Variants in GCLC observed in about 807,000 individuals in gnomAD.
The protein encoded by GCLC is glutamate--cysteine ligase catalytic subunit.
Under a neutral mutation model 81.5 loss-of-function variants are expected in GCLC, and 30 were observed. The ratio of observed to expected loss-of-function variants is 0.37; its 90% CI spans 0.28 to 0.50. GCLC has a LOEUF of 0.50. Among genes scored for constraint, GCLC ranks in the 20% least tolerant of loss-of-function variants. GCLC has a pLI of 0.96. For missense variants in GCLC, 556 were observed against 777.4 expected (o/e 0.72, Z 3.39); for synonymous variants, 262 against 273.3 (o/e 0.96, Z 0.41).
Position 53,526,626 on chromosome 6 carries a change from A to G in GCLC, c.151-4099T>C, listed in dbSNP as rs575358333. 3.4e-4 allele frequency among the ~76,000 whole-genome samples: 51 copies of G among 151,958 alleles called. 3 individuals carry two copies. The East Asian group carries it at 5.8e-3, about 17-fold the overall frequency. Reference sequence around the variant, plus strand: ...ATCCTGGCTAACACGGTGAAGCCCCATCTCTACTAAAAATACAAAAAATTA... The same window carrying G: ...ATCCTGGCTAACACGGTGAAGCCCCGTCTCTACTAAAAATACAAAAAATTA... On this transcript the variant is annotated intron_variant, in intron 1 of 15. Coordinates refer to ENST00000650454, the MANE Select transcript of GCLC (RefSeq NM_001498.4).
At chr6:53,532,610 C>G (rs1460381946) in intron 1 of GCLC, among the ~76,000 whole-genome samples, 1 of 152,160 alleles carries the variant, frequency 6.6e-6, no homozygotes. Context: ...TGGTTCCCCT[C>G]CAGCAGTTAA....
intron 15 of GCLC, 76 bp downstream of exon 15, chr6:53,499,966 GACT>G (rs753219640): frequency 8.7e-6 from 9 of 1,037,896 alleles, no homozygotes; most frequent in East Asian, 2.4e-5. Flanking sequence ...TATTTTAAAA[GACT>G]ACTTTAAGAA....
intron 1 of GCLC, among the ~76,000 whole-genome samples, chr6:53,529,399 T>C (rs1305538200): frequency 6.6e-6 from 1 of 152,208 alleles, no homozygotes; most frequent in Non-Finnish European, 1.5e-5. Context: ...ATAAAGACCA[T>C]TAAGGCATTC....
At chr6:53,528,122 C>T (rs886188396) in intron 1 of GCLC, among the ~76,000 whole-genome samples, 3 of 152,256 alleles carry the variant, frequency 2.0e-5, no homozygotes, top group African/African-American at 7.2e-5. Flanking sequence ...AGGTGTTAGC[C>T]ATAGTGATGC....
At chr6:53,509,407 T>G (rs898415884) in intron 6 of GCLC, 157 bp from the exon 7 acceptor site, 14 of 669,404 alleles carry the variant, frequency 2.1e-5, no homozygotes, top group Non-Finnish European at 3.5e-5. Context: ...AAAAGTTGTC[T>G]TAGGTGAATT....
Position 53,498,573 on chromosome 6 carries a change from A to G in GCLC, c.*183T>C. 3.2e-6 allele frequency: 2 copies of G among 622,266 alleles called. No individual in the cohort carries two copies. Among genetic ancestry groups the G allele is most frequent in the Admixed American group, 2.7e-5 (1 of 36,950 alleles). The allele number at this position is 622,266 out of a possible 1,614,324, so 38.5% of individuals were successfully genotyped here. On this transcript the variant is annotated 3_prime_UTR_variant, in exon 16 of 16. Coordinates refer to ENST00000650454, the MANE Select transcript of GCLC (RefSeq NM_001498.4). ...GTTAATCAAAAATACTTTACTATGT[A>G]CATGTACACTGTATAAACTCTAGAT... is the stretch of plus-strand genomic sequence containing the variant.
rs146955698 is a variant in GCLC, at chr6:53,544,653, C to CGCTCCT, written c.-9_-8insAGGAGC. ...CTGGGACAGCAGCCCCATGGCCGCCCCCTCCTCCTCCTCCTCCTCCTCCGG... is the reference window on the plus strand; with the variant it reads ...CTGGGACAGCAGCCCCATGGCCGCCCGCTCCTCCTCCTCCTCCTCCTCCTCCTCCGG... On this transcript the variant is annotated 5_prime_UTR_variant, in exon 1 of 16. Transcript: ENST00000650454. The CGCTCCT allele has an allele frequency of 5.8e-6, 9 of 1,550,960 alleles. No individual in the cohort carries two copies. In the African/African-American group the frequency reaches 1.1e-4, roughly 19 times the overall value.
At chr6:53,540,793 G>C (rs1242110598) in intron 1 of GCLC, among the ~76,000 whole-genome samples, 1 of 151,980 alleles carries the variant, frequency 6.6e-6, no homozygotes, top group African/African-American at 2.4e-5. Context: ...TTACAAAAGG[G>C]TGATTAGATT....
chr6:53,544,538 G>C lies in GCLC; in HGVS notation c.108C>G (p.Ala36=). ...GILQFLHIYH[A]VKDRHKDVLK... ...GAACGTCCTTGTGCCGGTCCTTGAC[G>C]GCGTGGTAGATGTGCAGGAACTGGA... is the stretch of plus-strand genomic sequence containing the variant. The change falls in exon 1 of 16, where the codon GCC becomes GCG. Residue 36 remains alanine, a synonymous_variant. Transcript: ENST00000650454. 6.2e-7 allele frequency: 1 copy of C among 1,609,076 alleles called. No homozygotes were observed. Among genetic ancestry groups the C allele is most frequent in the Non-Finnish European group, 8.5e-7 (1 of 1,179,646 alleles).
intron 1 of GCLC, among the ~76,000 whole-genome samples, chr6:53,537,489 G>A (rs1296363668): frequency 1.3e-5 from 2 of 152,086 alleles, no homozygotes; most frequent in African/African-American, 4.8e-5. Context: ...GTGTCAATGC[G>A]TTTTTGAAGC....
rs527887796 is a variant in GCLC at position 53,544,652 on chromosome 6, C to T, written c.-7G>A. On this transcript the variant is annotated 5_prime_UTR_variant, in exon 1 of 16. Coordinates refer to ENST00000650454, the MANE Select transcript of GCLC (RefSeq NM_001498.4). ...CCTGGGACAGCAGCCCCATGGCCGC[C>T]CCCTCCTCCTCCTCCTCCTCCTCCG... 1.9e-6 allele frequency: 3 copies of T among 1,578,152 alleles called. No homozygotes were observed. Among genetic ancestry groups the T allele is most frequent in the East Asian group, 2.3e-5 (1 of 44,208 alleles).
Position 53,506,665 on chromosome 6 carries a change from AAAT to A in GCLC, c.1197+245_1197+247del, listed in dbSNP as rs201073994. On this transcript the variant is annotated intron_variant, in intron 10 of 15. Transcript: ENST00000650454. This position sits in a 1 kb window ranked among gnomAD's most constrained non-coding sequence, Gnocchi z 4.0. ...AGAAAATACTGAACAATAAAAAAAAAAATTAGAATCAGTGAGATAAACAGTAAG... is the reference window on the plus strand; with the variant it reads ...AGAAAATACTGAACAATAAAAAAAAATAGAATCAGTGAGATAAACAGTAAG... 1.5e-3 allele frequency: 703 copies of A among 454,096 alleles called. 1 individual carries two copies. The highest frequency in any genetic ancestry group is 0.012 in the African/African-American group (597 of 50,574). 28.1% of individuals were successfully genotyped at this position (454,096 alleles called of 1,614,324 possible).
In GCLC at chr6:53,505,848, AG is replaced by A; in HGVS notation, c.1244del (p.Pro415LeufsTer10). The A allele has an allele frequency of 6.2e-7, 1 of 1,612,284 alleles. No homozygotes were observed. Among genetic ancestry groups the A allele is most frequent in the Non-Finnish European group, 8.5e-7 (1 of 1,178,358 alleles). ...CTCTCCATCCAATGTCTGAGTTTGG[AG>A]GAGGGGGCTTAAATCTCATTGTCTG... The part of the protein sequence containing the change: ...NWQTMRFKPP[P>X]PNSDIGWRVE... On this transcript the variant is annotated frameshift_variant, in exon 11 of 16. Coordinates refer to ENST00000650454, the MANE Select transcript of GCLC (RefSeq NM_001498.4). LOFTEE classifies it high-confidence loss of function.
chr6:53,541,009 G>A (rs1354042187), intron 1 of GCLC, among the ~76,000 whole-genome samples: 1 of 152,200 alleles, frequency 6.6e-6, no homozygotes, highest in Non-Finnish European at 1.5e-5. Flanking sequence ...GAGGTCAGGA[G>A]TTCGAGACCA....
In GCLC at chr6:53,507,041, A is replaced by G; in HGVS notation, c.1085-16T>C. The G allele has an allele frequency of 7.3e-7, 1 of 1,361,148 alleles. No individual in the cohort carries two copies. Among genetic ancestry groups the G allele is most frequent in the Non-Finnish European group, 1.1e-6 (1 of 949,216 alleles). 84.3% of individuals were successfully genotyped at this position (1,361,148 alleles called of 1,614,324 possible). The stretch of plus-strand genomic sequence containing the variant: ...TGATCAATGCCTGCAAAAAGAGATC[A>G]CATGGGAACTCACTGCAAAGCGAGA... On this transcript the variant is annotated splice_polypyrimidine_tract_variant and intron_variant, in intron 9 of 15. Transcript: ENST00000650454.
At chr6:53,501,657 T>G in intron 12 of GCLC, among the ~76,000 whole-genome samples, 1 of 152,250 alleles carries the variant, frequency 6.6e-6, no homozygotes, top group East Asian at 1.9e-4. Context: ...GGAGTGCGAT[T>G]GTTATGGTTT....
intron 2 of GCLC, 74 bp downstream of exon 2, chr6:53,522,341 T>C (rs539667994): frequency 1.7e-4 from 154 of 894,552 alleles, no homozygotes; most frequent in African/African-American, 1.4e-3. Context: ...CTGCCTCCAA[T>C]AATTGAGAAA....
At chr6:53,517,853 C>T (rs936270728) in intron 3 of GCLC, among the ~76,000 whole-genome samples, 2 of 152,202 alleles carry the variant, frequency 1.3e-5, no homozygotes, top group Non-Finnish European at 2.9e-5. Flanking sequence ...TGAAATGAGG[C>T]TAGTTCCTCA....
At position 53,498,737 on chromosome 6, in the gene GCLC, T is replaced by A. The variant is rs192935792; in HGVS notation, c.*19A>T. On this transcript the variant is annotated 3_prime_UTR_variant, in exon 16 of 16. Transcript: ENST00000650454. ...TGTAGCCAGTTCGTCAATAATGCATTTTTCTTTCTGTAGAATGTCTAGTTG... is the reference window on the plus strand; with the variant it reads ...TGTAGCCAGTTCGTCAATAATGCATATTTCTTTCTGTAGAATGTCTAGTTG... 38 of 1,513,984 alleles carry A rather than the reference T, an allele frequency of 2.5e-5. No individual in the cohort carries two copies. The East Asian group carries it at 8.3e-4, about 33-fold the overall frequency. 93.8% of individuals were successfully genotyped at this position (1,513,984 alleles called of 1,614,324 possible). A position where few individuals can be genotyped will look rare whatever the true frequency, so the allele number is the denominator to read the frequency against.
Sources: gnomAD v4.1 joint callset for allele counts (sites outside exome capture counted in the v4.1 genomes callset) on GRCh38, gnomAD v4.1.1 for gene constraint, Gnocchi (gnomAD v3.1) non-coding constraint, MANE v1.5 for transcripts, NCBI Gene and HGNC (gene_info 2026-07-23, HGNC 2026-07-21) for gene names.